SLC2A5: variants seen among roughly 807,000 people sequenced by gnomAD.
SLC2A5 encodes solute carrier family 2 member 5.
Under a neutral mutation model 50.3 loss-of-function variants are expected in SLC2A5, and 56 were observed. The observed-to-expected ratio is 1.11, with a 90% confidence interval of 0.90 to 1.39. The LOEUF (loss-of-function observed/expected upper bound fraction) is 1.39. Ranked by LOEUF, SLC2A5 falls within the 40% of genes most tolerant of loss-of-function variation. SLC2A5 has a pLI of 0.00. For synonymous variants in SLC2A5, 269 were observed against 281.9 expected (o/e 0.95, Z 0.46); for missense variants, 566 against 650.1 (o/e 0.87, Z 1.41).
At chr1:9,057,908 C>G (rs1398139482) in intron 2 of SLC2A5, among the ~76,000 whole-genome samples, 1 of 152,202 alleles carries the variant, frequency 6.6e-6, no homozygotes, top group Non-Finnish European at 1.5e-5. Context: ...CTCTAAACAG[C>G]AAGGCCACAG....
intron 1 of SLC2A5, among the ~76,000 whole-genome samples, chr1:9,063,085 C>T (rs1332293385): frequency 6.6e-6 from 1 of 152,178 alleles, no homozygotes; most frequent in East Asian, 1.9e-4. Context: ...TAAAAATCAG[C>T]ATGAGACACC....
At chr1:9,082,758 A>G in intron 2 of SLC2A5, 1 of 411,046 alleles carries the variant, frequency 2.4e-6, no homozygotes, top group South Asian at 1.9e-5. Context: ...ATCTTGCACC[A>G]GGCAGCCCAA....
intron 3 of SLC2A5, among the ~76,000 whole-genome samples, chr1:9,051,003 A>C (rs917330568): frequency 6.6e-6 from 1 of 152,180 alleles, no homozygotes; most frequent in African/African-American, 2.4e-5. Flanking sequence ...TCTGGTCTGA[A>C]GTTGCTCACG....
rs1240443728 is a variant in SLC2A5 at position 9,057,490 on chromosome 1, A to G, written c.251T>C (p.Ile84Thr). 1 of 1,614,004 alleles carries G rather than the reference A, an allele frequency of 6.2e-7. No individual in the cohort carries two copies. Among genetic ancestry groups the G allele is most frequent in the East Asian group, 2.2e-5 (1 of 44,876 alleles). ...TVSMFPFGGFIGSLLVGPLVN... is the reference protein window; with the variant it reads ...TVSMFPFGGFTGSLLVGPLVN... Reference sequence around the variant, plus strand: ...CAAGGGGCCGACCAGGAGGGATCCGATAAACCCTCCAAATGGAAACATGGA... The same window carrying G: ...CAAGGGGCCGACCAGGAGGGATCCGGTAAACCCTCCAAATGGAAACATGGA... Residue 84 changes from isoleucine (I) to threonine (T), a missense_variant, in exon 3 of 12, where the codon ATC becomes ACC. By Grantham distance (89) the Ile-to-Thr change is moderately conservative. Transcript: ENST00000377424.
intron 2 of SLC2A5, among the ~76,000 whole-genome samples, chr1:9,080,983 C>T (rs1177520111): frequency 2.6e-5 from 4 of 152,158 alleles, no homozygotes; most frequent in African/African-American, 9.7e-5. Context: ...CTCACGCCTG[C>T]AAACTCAGCA....
At chr1:9,055,702 C>T (rs12142229) in intron 3 of SLC2A5, among the ~76,000 whole-genome samples, 24,878 of 151,232 alleles carry the variant, frequency 0.16, 2,538 homozygotes, top group Admixed American at 0.24. Flanking sequence ...GATCACTTGA[C>T]GCCAGGAGTT....
At chr1:9,074,088 A>T (rs1018169775), upstream of SLC2A5, among the ~76,000 whole-genome samples, 18 of 90,878 alleles carry the variant, frequency 2.0e-4, no homozygotes, top group East Asian at 2.8e-3. Context: ...TCCAAAAATT[A>T]AAAAAAAAAA....
chr1:9,043,774 T>G (rs1209384528), intron 4 of SLC2A5, among the ~76,000 whole-genome samples: 2 of 150,536 alleles, frequency 1.3e-5, no homozygotes, highest in Non-Finnish European at 3.0e-5. Flanking sequence ...CAGGCTGGAG[T>G]GCAGTGGTGC....
chr1:9,077,586 C>CA (rs111499647), intron 2 of SLC2A5, among the ~76,000 whole-genome samples: 6,182 of 140,300 alleles, frequency 0.044, 321 homozygotes, highest in African/African-American at 0.13. Context: ...ACTAAAAATA[C>CA]AAAAAAAAAA....
In SLC2A5 at chr1:9,058,138, C is replaced by T. The variant is rs759259859; in HGVS notation, c.132+14G>A. 1 of 1,599,194 alleles carries T rather than the reference C, an allele frequency of 6.3e-7. No individual in the cohort carries two copies. Among genetic ancestry groups the T allele is most frequent in the Non-Finnish European group, 8.6e-7 (1 of 1,166,434 alleles). On this transcript the variant is annotated intron_variant, in intron 2 of 11. Transcript: ENST00000377424. ...AAACGTCCTCCCCACATCTTGCTCA[C>T]CACAGTGACCTACCAGTGCTGGGGA...
intron 3 of SLC2A5, among the ~76,000 whole-genome samples, chr1:9,048,564 G>A (rs944227963): frequency 6.6e-6 from 1 of 151,940 alleles, no homozygotes; most frequent in African/African-American, 2.4e-5. Context: ...GGAAAACATC[G>A]GATTATCTCA....
At chr1:9,068,693 C>G (rs886777008) in intron 1 of SLC2A5, among the ~76,000 whole-genome samples, 3 of 152,094 alleles carry the variant, frequency 2.0e-5, no homozygotes, top group African/African-American at 7.2e-5. Context: ...CTCAGGTGAT[C>G]CACCCACCTC....
At chr1:9,049,049 C>T (rs1426948810) in intron 3 of SLC2A5, 9 of 442,784 alleles carry the variant, frequency 2.0e-5, no homozygotes, top group Admixed American at 5.1e-5. Context: ...TCAAACATCA[C>T]ACTTAATAAA....
rs1642363787 is a variant in SLC2A5, at chr1:9,082,308, T to A, written c.-59+2706A>T. Among the ~76,000 whole-genome samples the A allele has an allele frequency of 3.3e-5, 5 of 152,242 alleles. No individual in the cohort carries two copies. In the South Asian group the frequency reaches 8.3e-4, roughly 25 times the overall value. ...TCAAGCGAATACATGTACACATATG[T>A]TCGTAGCAGCAGTATTTACATAGCC... On this transcript the variant is annotated intron_variant, in intron 2 of 5. Coordinates refer to the SLC2A5 transcript ENST00000464985.
chr1:9,039,119 G>C (rs1287741019), intron 8 of SLC2A5, among the ~76,000 whole-genome samples, 190 bp from the exon 9 acceptor site: 1 of 152,260 alleles, frequency 6.6e-6, no homozygotes, highest in Non-Finnish European at 1.5e-5. Flanking sequence ...TGTGATGCGG[G>C]ACCCCAGCTG....
chr1:9,060,242 C>CCA (rs202052949), intron 1 of SLC2A5, among the ~76,000 whole-genome samples: 34,773 of 119,354 alleles, frequency 0.29, 5,460 homozygotes, highest in East Asian at 0.6. Flanking sequence ...CACACACCCC[C>CCA]CATGTACACA....
chr1:9,049,107 A>G, intron 3 of SLC2A5: 1 of 456,214 alleles, frequency 2.2e-6, no homozygotes, highest in South Asian at 1.5e-5. Flanking sequence ...TACCCTGGAG[A>G]TCCTGACAGA....
rs546904273 is a variant in SLC2A5 at position 9,067,166 on chromosome 1, C to T, written c.33+2338G>A. The stretch of plus-strand genomic sequence containing the variant: ...TCTCCTTGGCTCCTACCTCCCCTCT[C>T]GGCTGCACTTAATGATTTCCCGGAT... On this transcript the variant is annotated intron_variant, in intron 1 of 11. Transcript: ENST00000377424. Among the ~76,000 whole-genome samples, 67 of 152,268 alleles carry T rather than the reference C, an allele frequency of 4.4e-4. 1 individual carries two copies. In the South Asian group the frequency reaches 0.012, roughly 27 times the overall value.
At chr1:9,044,777 A>C (rs1641396895) in intron 4 of SLC2A5, among the ~76,000 whole-genome samples, 1 of 151,704 alleles carries the variant, frequency 6.6e-6, no homozygotes, top group Admixed American at 6.6e-5. Flanking sequence ...CTGGTCTCGC[A>C]CTCCTGACCT....
Sources: allele counts gnomAD v4.1 joint callset (sites outside exome capture counted in the v4.1 genomes callset), GRCh38; gene constraint gnomAD v4.1.1; transcripts MANE v1.5; gene names NCBI Gene and HGNC (gene_info 2026-07-23, HGNC 2026-07-21).